The following LMBR1 variants were observed in gnomAD, a reference collection of about 807,000 sequenced individuals.
LMBR1 encodes limb development membrane protein 1.
In LMBR1, 52 loss-of-function variants were observed where a neutral mutation model predicts 73.9. The observed-to-expected ratio is 0.70, with a 90% confidence interval of 0.56 to 0.89. The LOEUF is 0.89. Ranked by LOEUF, LMBR1 falls within the 40% of genes least tolerant of loss-of-function variation. LMBR1 has a pLI of 0.00. For synonymous variants in LMBR1, 215 were observed against 209.4 expected, an observed-to-expected ratio of 1.03 and a Z score of -0.23; for missense variants, 539 against 579.8, an observed-to-expected ratio of 0.93 and a Z score of 0.72.
intron 9 of LMBR1, among the ~76,000 whole-genome samples, chr7:156,750,163 T>C (rs1185755348): frequency 1.3e-5 from 2 of 152,226 alleles, no homozygotes; most frequent in Non-Finnish European, 2.9e-5. Context: ...AAATAATTTC[T>C]CTTCATTATG....
intron 4 of LMBR1, among the ~76,000 whole-genome samples, chr7:156,798,398 C>A (rs562816746): frequency 6.6e-6 from 1 of 152,140 alleles, no homozygotes; most frequent in African/African-American, 2.4e-5. Context: ...TTCTTTCTAC[C>A]AAGTGTATTG....
chr7:156,874,784 GA>G (rs1799916692), intron 1 of LMBR1, among the ~76,000 whole-genome samples: 1 of 152,174 alleles, frequency 6.6e-6, no homozygotes, highest in African/African-American at 2.4e-5. Flanking sequence ...GGAGACAAAA[GA>G]ATCTGTACAG....
downstream of LMBR1, chr7:156,676,305 C>A: frequency 6.2e-7 from 1 of 1,606,742 alleles, no homozygotes; most frequent in Non-Finnish European, 8.5e-7. Flanking sequence ...AATGAAACTT[C>A]CGCATGTTTC....
intron 1 of LMBR1, among the ~76,000 whole-genome samples, chr7:156,878,913 T>A (rs1003573482): frequency 6.6e-6 from 1 of 152,134 alleles, no homozygotes. Context: ...TACAGCCAAC[T>A]GATCTTTAAC....
intron 1 of LMBR1, among the ~76,000 whole-genome samples, chr7:156,870,910 A>C (rs950698840): frequency 6.6e-6 from 1 of 152,126 alleles, no homozygotes; most frequent in Non-Finnish European, 1.5e-5. Context: ...TTACAGCTCA[A>C]GGAACTAGAA....
chr7:156,817,500 GAGAGAGAGAGAGAGACAGAGACAGAC>G (rs1208197329), intron 4 of LMBR1, among the ~76,000 whole-genome samples: 37 of 140,350 alleles, frequency 2.6e-4, no homozygotes, highest in African/African-American at 6.8e-4. Context: ...GACAGAGAGA[GAGAGAGAGAGAGAGACAGAGACAGAC>G]AGAGAGACAG....
intron 12 of LMBR1, among the ~76,000 whole-genome samples, chr7:156,726,609 G>C (rs955143109): frequency 6.6e-6 from 1 of 152,066 alleles, no homozygotes; most frequent in African/African-American, 2.4e-5. Flanking sequence ...AAACACCAGG[G>C]ATAATTAAGA....
intron 3 of LMBR1, among the ~76,000 whole-genome samples, chr7:156,830,827 C>A (rs932508690): frequency 1.3e-5 from 2 of 152,204 alleles, no homozygotes; most frequent in Non-Finnish European, 2.9e-5. Flanking sequence ...GGGGCTCCCT[C>A]ACTATACAGG....
At chr7:156,868,987 C>G (rs1294650038) in intron 1 of LMBR1, among the ~76,000 whole-genome samples, 1 of 152,090 alleles carries the variant, frequency 6.6e-6, no homozygotes, top group Non-Finnish European at 1.5e-5. Flanking sequence ...AAAGTAAAAA[C>G]TGGCATTGCA....
intron 15 of LMBR1, among the ~76,000 whole-genome samples, chr7:156,702,964 C>G: frequency 6.6e-6 from 1 of 152,298 alleles, no homozygotes; most frequent in African/African-American, 2.4e-5. Context: ...CCCATGTGGC[C>G]TGGGGCCAAA....
chr7:156,743,403 G>A, intron 9 of LMBR1, among the ~76,000 whole-genome samples: 1 of 151,836 alleles, frequency 6.6e-6, no homozygotes. Context: ...CGTAAAAGGG[G>A]GTGTATCTAT....
At chr7:156,738,388 T>G (rs1042399595) in intron 9 of LMBR1, among the ~76,000 whole-genome samples, 29 of 152,034 alleles carry the variant, frequency 1.9e-4, no homozygotes, top group African/African-American at 7.0e-4. Flanking sequence ...GGGTCCTAAG[T>G]AAACTTGAAA....
At chr7:156,882,413 G>T (rs1801232206) in intron 1 of LMBR1, among the ~76,000 whole-genome samples, 1 of 152,148 alleles carries the variant, frequency 6.6e-6, no homozygotes, top group Non-Finnish European at 1.5e-5. Flanking sequence ...CTGGGAAAAA[G>T]AGTGAGACTC....
chr7:156,680,423 T>C lies in LMBR1; in HGVS notation c.*3655A>G, dbSNP rs1804847118. The C allele has an allele frequency of 6.7e-6, 1 of 148,398 alleles. No individual in the cohort carries two copies. Among genetic ancestry groups the C allele is most frequent in the South Asian group, 2.1e-4 (1 of 4,756 alleles). 9.2% of individuals were successfully genotyped at this position (148,398 alleles called of 1,614,324 possible). On this transcript the variant is annotated 3_prime_UTR_variant, in exon 17 of 17. Coordinates refer to ENST00000353442, the MANE Select transcript of LMBR1 (RefSeq NM_022458.4). ...GAGAGAGTGTGTGTGTGTGTGTGTGTGTAATGGGTTATTTCTTACTGTGGT... is the reference window on the plus strand; with the variant it reads ...GAGAGAGTGTGTGTGTGTGTGTGTGCGTAATGGGTTATTTCTTACTGTGGT...
chr7:156,707,566 T>C (rs1811226241), intron 15 of LMBR1, among the ~76,000 whole-genome samples: 2 of 152,100 alleles, frequency 1.3e-5, no homozygotes, highest in African/African-American at 2.4e-5. Flanking sequence ...TGGTTCAACA[T>C]ACACAGTCAG....
At position 156,684,028 on chromosome 7, in the gene LMBR1, A is replaced by T; in HGVS notation, c.*50T>A. On this transcript the variant is annotated 3_prime_UTR_variant, in exon 17 of 17. Transcript: ENST00000353442. Reference sequence around the variant, plus strand: ...TTCTACATGGGACAGGAATGTCGTGAATCTGGAGTTCTCGGGTCTCTTGGT... The same window carrying T: ...TTCTACATGGGACAGGAATGTCGTGTATCTGGAGTTCTCGGGTCTCTTGGT... 7.0e-7 allele frequency: 1 copy of T among 1,426,004 alleles called. No individual in the cohort carries two copies. Among genetic ancestry groups the T allele is most frequent in the South Asian group, 1.1e-5 (1 of 87,078 alleles). The allele number at this position is 1,426,004 out of a possible 1,614,324, so 88.3% of individuals were successfully genotyped here.
chr7:156,865,752 C>T (rs1353355398), intron 1 of LMBR1, among the ~76,000 whole-genome samples: 1 of 152,074 alleles, frequency 6.6e-6, no homozygotes, highest in East Asian at 1.9e-4. Context: ...AAGAACAGAA[C>T]TAAGAGTCTA....
At chr7:156,723,972 T>C (rs944090412) in intron 15 of LMBR1, 140 bp downstream of exon 15, 92 of 612,652 alleles carry the variant, frequency 1.5e-4, no homozygotes, top group Non-Finnish European at 1.8e-4. Flanking sequence ...ACATAAAGTA[T>C]AGAAGTAAAA....
intron 1 of LMBR1, among the ~76,000 whole-genome samples, chr7:156,870,125 A>G (rs1174120914): frequency 6.6e-6 from 1 of 152,224 alleles, no homozygotes; most frequent in African/African-American, 2.4e-5. Flanking sequence ...TGGAGACTTC[A>G]ATACCCCATT....
Sources: allele counts gnomAD v4.1 joint callset (sites outside exome capture counted in the v4.1 genomes callset), GRCh38; gene constraint gnomAD v4.1.1; transcripts MANE v1.5; gene names NCBI Gene and HGNC (gene_info 2026-07-23, HGNC 2026-07-21).